NOL4L: variants seen among roughly 807,000 people sequenced by gnomAD.
NOL4L encodes the protein nucleolar protein 4 like, also known as nucleolar protein 4-like.
NOL4L carries 7 observed loss-of-function variants against 64.5 expected under a neutral mutation model. That is an observed-to-expected ratio of 0.11 (90% CI 0.06 to 0.20). The LOEUF (loss-of-function observed/expected upper bound fraction) is 0.20, where lower values mean the gene tolerates loss of function less well. Among genes scored for constraint, NOL4L ranks in the 10% least tolerant of loss-of-function variants. The pLI, the probability that NOL4L is intolerant of heterozygous loss-of-function variation, is 1.00. For missense variants in NOL4L, 680 were observed against 967.1 expected, an observed-to-expected ratio of 0.70 and a Z score of 3.94; for synonymous variants, 413 against 401.0, an observed-to-expected ratio of 1.03 and a Z score of -0.36.
rs527587226 is a variant in NOL4L at position 32,539,637 on chromosome 20, G to A, written c.322-11724C>T. 7.9e-5 allele frequency among the ~76,000 whole-genome samples: 12 copies of A among 152,152 alleles called. No homozygotes were observed. In the East Asian group the frequency reaches 1.7e-3, roughly 22 times the overall value. ...TTTGTTCTTCTGTCCTGGCTTTTTCGTCTCTAGATGTAAATTTCTTGCGGT... is the reference window on the plus strand; with the variant it reads ...TTTGTTCTTCTGTCCTGGCTTTTTCATCTCTAGATGTAAATTTCTTGCGGT... On this transcript the variant is annotated intron_variant, in intron 1 of 10. Transcript: ENST00000621426.
intron 2 of NOL4L, among the ~76,000 whole-genome samples, chr20:32,524,928 G>A (rs918203646): frequency 5.3e-5 from 8 of 152,216 alleles, no homozygotes; most frequent in Admixed American, 1.3e-4. Flanking sequence ...GAGGAGGGAG[G>A]TGTGCCAGCC....
intron 1 of NOL4L, among the ~76,000 whole-genome samples, chr20:32,529,085 ATGAC>A (rs1207107049): frequency 6.6e-6 from 1 of 152,182 alleles, no homozygotes; most frequent in Non-Finnish European, 1.5e-5. Flanking sequence ...TAATGACTGA[ATGAC>A]TGAGTGGTCA....
At chr20:32,447,901 C>T (rs2012459855) in intron 10 of NOL4L, 85 bp from the exon 11 acceptor site, 3 of 1,480,620 alleles carry the variant, frequency 2.0e-6, no homozygotes, top group Non-Finnish European at 2.7e-6. Context: ...CTGTCATAAC[C>T]TATGGCCTAG....
intron 4 of NOL4L, chr20:32,475,031 A>G: frequency 1.0e-6 from 1 of 985,368 alleles, no homozygotes; most frequent in South Asian, 4.7e-5. Context: ...CCTGGCTCTT[A>G]CCCTTGTGAG....
intron 1 of NOL4L, chr20:32,537,254 C>T: frequency 2.8e-6 from 1 of 351,772 alleles, no homozygotes; most frequent in Non-Finnish European, 4.0e-6. Flanking sequence ...GGCCATTTGC[C>T]CAGGGTCACG....
At chr20:32,450,227 CG>C (rs1259520621) in intron 10 of NOL4L, 6 of 152,272 alleles carry the variant, frequency 3.9e-5, no homozygotes, top group African/African-American at 1.4e-4. Context: ...GCCATTAATA[CG>C]GCTGCCCGGC....
At position 32,457,549 on chromosome 20, in the gene NOL4L, C is replaced by A. The variant is rs974855079; in HGVS notation, c.842-1154G>T. 2.0e-5 allele frequency among the ~76,000 whole-genome samples: 3 copies of A among 151,874 alleles called. No individual in the cohort carries two copies. The East Asian group carries it at 5.8e-4, about 30-fold the overall frequency. ...GCGCACCTCCAGAGCGTCCCCATGG[C>A]GACCGAGCGGCTCTAGCGCCCCAAC... On this transcript the variant is annotated intron_variant, in intron 5 of 10. Transcript: ENST00000621426.
intron 4 of NOL4L, among the ~76,000 whole-genome samples, chr20:32,485,058 CA>C (rs57444583): frequency 0.047 from 841 of 17,798 alleles, no homozygotes; most frequent in Non-Finnish European, 0.062. Flanking sequence ...GGGAAATTGC[CA>C]AAAAAAAAAA....
Position 32,445,727 on chromosome 20 carries a change from G to A in NOL4L, c.*1869C>T, listed in dbSNP as rs1425238991. 3.9e-5 allele frequency: 6 copies of A among 152,930 alleles called. No homozygotes were observed. Among genetic ancestry groups the A allele is most frequent in the African/African-American group, 1.4e-4 (6 of 41,432 alleles). 9.5% of individuals were successfully genotyped at this position (152,930 alleles called of 1,614,324 possible). A position where few individuals can be genotyped will look rare whatever the true frequency, so the allele number is the denominator to read the frequency against. On this transcript the variant is annotated 3_prime_UTR_variant, in exon 11 of 11. Coordinates refer to ENST00000621426, the MANE Select transcript of NOL4L (RefSeq NM_001256798.2). The stretch of plus-strand genomic sequence containing the variant: ...GGGATTGGTCAGATGGAAGGCAGAG[G>A]TGGTGTGGCTGGATGGGGTATTGGA...
chr20:32,534,848 C>G (rs2145589318), intron 1 of NOL4L, among the ~76,000 whole-genome samples: 1 of 150,072 alleles, frequency 6.7e-6, no homozygotes, highest in East Asian at 2.0e-4. Flanking sequence ...TACCACTAAA[C>G]TCCAGCCTGG....
chr20:32,574,669 C>G (rs952325137), intron 1 of NOL4L, among the ~76,000 whole-genome samples: 1 of 152,138 alleles, frequency 6.6e-6, no homozygotes, highest in African/African-American at 2.4e-5. Context: ...ATGAGTCATC[C>G]ACCCAAGCAG....
chr20:32,537,126 CCTT>C (rs951506514), intron 1 of NOL4L: 4 of 985,370 alleles, frequency 4.1e-6, no homozygotes, highest in African/African-American at 3.5e-5. Context: ...TGCCAGCTCT[CCTT>C]CAGGGAGCGC....
At position 32,465,176 on chromosome 20, in the gene NOL4L, C is replaced by A. The variant is rs1214791556; in HGVS notation, c.842-8781G>T. 14 of 465,654 alleles carry A rather than the reference C, an allele frequency of 3.0e-5. No individual in the cohort carries two copies. In the East Asian group the frequency reaches 4.6e-4, roughly 15 times the overall value. 28.8% of individuals were successfully genotyped at this position (465,654 alleles called of 1,614,324 possible). A position where few individuals can be genotyped will look rare whatever the true frequency, so the allele number is the denominator to read the frequency against. On this transcript the variant is annotated intron_variant, in intron 5 of 10. Transcript: ENST00000621426. ...GGTGGACACCAATTATGCGTCAGGT[C>A]CCGAGTGTCAGGCGGCGGGTAACTC... is the stretch of plus-strand genomic sequence containing the variant.
intron 4 of NOL4L, among the ~76,000 whole-genome samples, chr20:32,509,258 C>T (rs1416100021): frequency 6.6e-6 from 1 of 152,176 alleles, no homozygotes; most frequent in East Asian, 1.9e-4. Flanking sequence ...GGGATGCCAG[C>T]CGGAATCTCA....
At chr20:32,580,780 C>G (rs944803211) in intron 1 of NOL4L, among the ~76,000 whole-genome samples, 1 of 152,206 alleles carries the variant, frequency 6.6e-6, no homozygotes, top group African/African-American at 2.4e-5. Context: ...TACAGTTGGG[C>G]TGAGAACCTC....
At chr20:32,544,895 G>A (rs2018711189) in intron 1 of NOL4L, among the ~76,000 whole-genome samples, 1 of 152,202 alleles carries the variant, frequency 6.6e-6, no homozygotes, top group Non-Finnish European at 1.5e-5. Flanking sequence ...GAAAAGGTGA[G>A]TACTATTATT....
rs1255925674 is a variant in NOL4L at position 32,585,093 on chromosome 20, CGGCGGCGGCGTT to C, written c.-215_-204del. 6.2e-6 allele frequency: 1 copy of C among 161,840 alleles called. No individual in the cohort carries two copies. The highest frequency in any genetic ancestry group is 1.3e-5 in the Non-Finnish European group (1 of 78,300). The allele number at this position is 161,840 out of a possible 1,614,324, so 10.0% of individuals were successfully genotyped here. A position where few individuals can be genotyped will look rare whatever the true frequency, so the allele number is the denominator to read the frequency against. ...GGCGCGCTCTGTCCTGCTCGGGCGGCGGCGGCGGCGTTGGCGGCGGCGGCTCCGGCTCGCCTC... is the reference window on the plus strand; with the variant it reads ...GGCGCGCTCTGTCCTGCTCGGGCGGCGGCGGCGGCGGCTCCGGCTCGCCTC... On this transcript the variant is annotated 5_prime_UTR_variant, in exon 1 of 11. Coordinates refer to ENST00000621426, the MANE Select transcript of NOL4L (RefSeq NM_001256798.2).
intron 4 of NOL4L, among the ~76,000 whole-genome samples, chr20:32,502,225 C>T (rs1462195956): frequency 6.6e-6 from 1 of 152,196 alleles, no homozygotes; most frequent in Non-Finnish European, 1.5e-5. Flanking sequence ...AGAAAAGAGG[C>T]TGTCCCTAGG....
Position 32,453,745 on chromosome 20 carries a change from G to C in NOL4L, c.1136C>G (p.Ser379Cys). 1 of 1,553,744 alleles carries C rather than the reference G, an allele frequency of 6.4e-7. No individual in the cohort carries two copies. Among genetic ancestry groups the C allele is most frequent in the African/African-American group, 1.4e-5 (1 of 73,388 alleles). Residue 379 changes from serine (S) to cysteine (C), a missense_variant, in exon 7 of 11, where the codon TCT becomes TGT. Ser to Cys is a moderately radical substitution (Grantham distance 112). Transcript: ENST00000621426. The surrounding 1 kb of genome is among the most constrained non-coding windows in gnomAD (Gnocchi z 5.6). ...KTTPESPPYS[S>C]GSYDSIKTEV... Reference sequence around the variant, plus strand: ...GGTCTTGATGGAATCGTAGCTCCCAGAGCTGTAGGGGGGGGACTAAAAGGA... The same window carrying C: ...GGTCTTGATGGAATCGTAGCTCCCACAGCTGTAGGGGGGGGACTAAAAGGA...
Sources: gnomAD v4.1 joint callset for allele counts (sites outside exome capture counted in the v4.1 genomes callset) on GRCh38, gnomAD v4.1.1 for gene constraint, Gnocchi (gnomAD v3.1) non-coding constraint, MANE v1.5 for transcripts, NCBI Gene and HGNC (gene_info 2026-07-23, HGNC 2026-07-21) for gene names.